Variants in PSMA2 observed in about 807,000 individuals in gnomAD.
The protein encoded by PSMA2 is proteasome subunit alpha type-2.
Under a neutral mutation model 35.9 loss-of-function variants are expected in PSMA2, and 2 were observed. The observed-to-expected ratio is 0.06, with a 90% CI of 0.02 to 0.18. The LOEUF (loss-of-function observed/expected upper bound fraction) is 0.18. Ranked by LOEUF, PSMA2 falls within the 10% of genes least tolerant of loss-of-function variation. The pLI is 1.00. For synonymous variants in PSMA2, 97 were observed against 98.2 expected, an observed-to-expected ratio of 0.99 and a Z score of 0.07; for missense variants, 126 against 278.8, an observed-to-expected ratio of 0.45 and a Z score of 3.90.
At chr7:42,932,050 G>A in intron 1 of PSMA2, 68 bp downstream of exon 1, 1 of 1,600,610 alleles carries the variant, frequency 6.2e-7, no homozygotes, top group Admixed American at 1.7e-5. Context: ...GTCAGGATGG[G>A]AAAAACTAAA....
In PSMA2 at chr7:42,932,123, T is replaced by A; in HGVS notation, c.36A>T (p.Thr12=). The change falls in exon 1 of 8, where the codon ACA becomes ACT. Residue 12 remains threonine (T), a synonymous_variant. Transcript: ENST00000223321. ...AERGYSFSLT[T]FSPSGKLVQI... is the part of the protein sequence containing the mutation. Reference sequence around the variant, plus strand: ...CTCGAGGGCCCCTTCCATACCTGAATGTAGTCAGCGAAAAGCTGTACCCGC... The same window carrying A: ...CTCGAGGGCCCCTTCCATACCTGAAAGTAGTCAGCGAAAAGCTGTACCCGC... 6.2e-7 allele frequency: 1 copy of A among 1,614,158 alleles called. No individual in the cohort carries two copies. The highest frequency in any genetic ancestry group is 2.2e-5 in the East Asian group (1 of 44,876).
At chr7:42,918,009 T>TC (rs1299234821) in intron 6 of PSMA2, 174 bp from the exon 7 acceptor site, 59 of 483,562 alleles carry the variant, frequency 1.2e-4, no homozygotes, top group African/African-American at 1.0e-3. Flanking sequence ...AAACTGACAA[T>TC]ATCTGGTGCT....
chr7:42,918,276 G>A (rs187363714), intron 6 of PSMA2: 400 of 152,746 alleles, frequency 2.6e-3, no homozygotes, highest in Non-Finnish European at 4.2e-3. Context: ...CTCGTGATCC[G>A]CCTGCCTTGA....
intron 3 of PSMA2, among the ~76,000 whole-genome samples, chr7:42,925,877 C>T (rs1384980480): frequency 6.6e-6 from 1 of 152,184 alleles, no homozygotes; most frequent in Non-Finnish European, 1.5e-5. Context: ...TTTGCCTCTA[C>T]CTATCTTGCT....
In PSMA2 at chr7:42,927,603, T is replaced by G. The variant is rs141226232; in HGVS notation, c.42-144A>C. The stretch of plus-strand genomic sequence containing the variant: ...CTGGCCTTTGACCTCTATCATGAAG[T>G]GGCACAGAAACCAAGTTTACAGCTG... On this transcript the variant is annotated intron_variant, in intron 1 of 7. Coordinates refer to ENST00000223321, the MANE Select transcript of PSMA2 (RefSeq NM_002787.5). 1,945 of 744,162 alleles carry G rather than the reference T, an allele frequency of 2.6e-3. 47 individuals are homozygous for G. In the East Asian group the frequency reaches 0.048, roughly 18 times the overall value. The allele number at this position is 744,162 out of a possible 1,614,324, so 46.1% of individuals were successfully genotyped here.
intron 5 of PSMA2, among the ~76,000 whole-genome samples, chr7:42,922,178 C>T (rs1280334553): frequency 2.6e-5 from 4 of 152,084 alleles, no homozygotes; most frequent in African/African-American, 9.7e-5. Context: ...GTAATGGTTT[C>T]TTCAGGCATT....
At chr7:42,920,090 G>A in intron 6 of PSMA2, 1 of 558,198 alleles carries the variant, frequency 1.8e-6, no homozygotes, top group Non-Finnish European at 3.3e-6. Flanking sequence ...GTTAAGGCCT[G>A]AACATCAAGC....
intron 6 of PSMA2, chr7:42,918,130 G>A (rs1455889064): frequency 2.4e-5 from 4 of 164,656 alleles, no homozygotes; most frequent in East Asian, 3.3e-4. Context: ...TCCACCTCCC[G>A]GGCTCATGCC....
chr7:42,921,685 A>G, intron 6 of PSMA2, 173 bp downstream of exon 6: 1 of 427,466 alleles, frequency 2.3e-6, no homozygotes, highest in Non-Finnish European at 4.2e-6. Context: ...CACTTAATAT[A>G]CTGAAGTCTA....
chr7:42,924,291 T>C (rs979699345), intron 4 of PSMA2, among the ~76,000 whole-genome samples: 1 of 131,046 alleles, frequency 7.6e-6, no homozygotes, highest in African/African-American at 2.9e-5. Context: ...GAGGCAGAGG[T>C]TGCAGTGAGC....
chr7:42,917,767 A>C lies in PSMA2; in HGVS notation c.588+11T>G. 1 of 1,611,668 alleles carries C rather than the reference A, an allele frequency of 6.2e-7. No homozygotes were observed. Among genetic ancestry groups the C allele is most frequent in the Non-Finnish European group, 8.5e-7 (1 of 1,178,068 alleles). ...ATCATTATAAATCCAGTTGTTGAAT[A>C]CTGAGCTAACCTTTAGGGTTAAGAT... is the stretch of plus-strand genomic sequence containing the variant. On this transcript the variant is annotated intron_variant, in intron 7 of 7. Coordinates refer to ENST00000223321, the MANE Select transcript of PSMA2 (RefSeq NM_002787.5).
At chr7:42,922,402 A>G (rs1343087545) in intron 5 of PSMA2, among the ~76,000 whole-genome samples, 1 of 152,166 alleles carries the variant, frequency 6.6e-6, no homozygotes, top group African/African-American at 2.4e-5. Flanking sequence ...TTAAAAAGAG[A>G]GCATCTCATT....
In PSMA2 at chr7:42,923,958, T is replaced by C. The variant is rs150142447; in HGVS notation, c.375-552A>G. ...CGTATCAACAACTACCTATATGCTA[T>C]CTCATCTACACCCAAACTTAAGAAA... On this transcript the variant is annotated intron_variant, in intron 4 of 7. Transcript: ENST00000223321. 2.1e-3 allele frequency among the ~76,000 whole-genome samples: 318 copies of C among 152,272 alleles called. 1 individual carries two copies. The highest frequency in any genetic ancestry group is 7.3e-3 in the African/African-American group (302 of 41,556).
rs1024612597 is a variant in PSMA2, at chr7:42,919,850, C to G, written c.530+2008G>C. The G allele has an allele frequency of 4.0e-6, 3 of 746,674 alleles. No homozygotes were observed. In the East Asian group the frequency reaches 7.5e-5, roughly 19 times the overall value. The allele number at this position is 746,674 out of a possible 1,614,324, so 46.3% of individuals were successfully genotyped here. ...ACAAAGGACACTCTGGTCCTATTCA[C>G]TGTGTGAGATTTGATCCTGATGGAG... On this transcript the variant is annotated intron_variant, in intron 6 of 7. Coordinates refer to ENST00000223321, the MANE Select transcript of PSMA2 (RefSeq NM_002787.5).
At chr7:42,931,001 A>G in intron 1 of PSMA2, 1 of 302,192 alleles carries the variant, frequency 3.3e-6, no homozygotes, top group South Asian at 2.5e-5. Flanking sequence ...CCAAGAGAAA[A>G]GTACTTTTGG....
At chr7:42,920,093 C>T in intron 6 of PSMA2, 4 of 549,372 alleles carry the variant, frequency 7.3e-6, no homozygotes, top group Non-Finnish European at 1.3e-5. Context: ...AAGGCCTGAA[C>T]ATCAAGCATG....
chr7:42,917,183 C>A lies in PSMA2; in HGVS notation c.*391G>T. 5.7e-6 allele frequency: 1 copy of A among 174,042 alleles called. No individual in the cohort carries two copies. The highest frequency in any genetic ancestry group is 1.2e-5 in the Non-Finnish European group (1 of 81,990). 10.8% of individuals were successfully genotyped at this position (174,042 alleles called of 1,614,324 possible). A position where few individuals can be genotyped will look rare whatever the true frequency, so the allele number is the denominator to read the frequency against. On this transcript the variant is annotated 3_prime_UTR_variant, in exon 8 of 8. Coordinates refer to ENST00000223321, the MANE Select transcript of PSMA2 (RefSeq NM_002787.5). ...ATCCGTGAAAGTCTGCAGATCCTCC[C>A]AGCTCTAGAAGCAGTCATGTTTTTT... is the stretch of plus-strand genomic sequence containing the variant.
Position 42,921,854 on chromosome 7 carries a change from C to G in PSMA2, c.530+4G>C. 1 of 1,611,002 alleles carries G rather than the reference C, an allele frequency of 6.2e-7. No individual in the cohort carries two copies. On this transcript the variant is annotated splice_donor_region_variant and intron_variant, in intron 6 of 7. Coordinates refer to ENST00000223321, the MANE Select transcript of PSMA2 (RefSeq NM_002787.5). ...AAGAATGCAGTTACAATGAGTAGGC[C>G]TACCTTTTCTCAAGGAAAGTCTTCC...
chr7:42,928,266 T>A (rs1786244149), intron 1 of PSMA2, among the ~76,000 whole-genome samples: 2 of 152,216 alleles, frequency 1.3e-5, no homozygotes, highest in Admixed American at 6.5e-5. Context: ...TAAAACTGTC[T>A]GGCATAAAAT....
Sources: gnomAD v4.1 joint callset for allele counts (sites outside exome capture counted in the v4.1 genomes callset) on GRCh38, gnomAD v4.1.1 for gene constraint, MANE v1.5 for transcripts, NCBI Gene and HGNC (gene_info 2026-07-23, HGNC 2026-07-21) for gene names.